Variants in CCDC191 observed in about 807,000 individuals in gnomAD.
CCDC191 encodes coiled-coil domain containing 191.
Under a neutral mutation model 114.0 loss-of-function variants are expected in CCDC191, and 99 were observed. The ratio of observed to expected loss-of-function variants is 0.87; its 90% CI spans 0.74 to 1.03. CCDC191 has a LOEUF of 1.03. Ranked by LOEUF, CCDC191 falls within the 50% of genes least tolerant of loss-of-function variation. CCDC191 has a pLI of 0.00. For missense variants in CCDC191, 973 were observed against 1,087.0 expected (o/e 0.90, Z 1.47); for synonymous variants, 351 against 376.0 (o/e 0.93, Z 0.77).
intron 13 of CCDC191, among the ~76,000 whole-genome samples, chr3:113,998,591 C>T (rs142464790): frequency 4.1e-4 from 62 of 152,288 alleles, no homozygotes; most frequent in Admixed American, 2.2e-3. Context: ...CACCAGCTGA[C>T]CTGACTAAAG....
Position 113,965,209 on chromosome 3 carries a change from T to C in CCDC191, c.2757A>G (p.Leu919=), listed in dbSNP as rs796891887. The C allele has an allele frequency of 3.7e-6, 6 of 1,611,662 alleles. No homozygotes were observed. The highest frequency in any genetic ancestry group is 3.4e-6 in the Non-Finnish European group (4 of 1,179,040). ...AGGACCAAGTATCTGATTGCTGATA[T>C]AGCTCGTGGTACCTTCCAGGTACCT... ...DFQVPGRYHE[L]YQQSDTWSLS... is the part of the protein sequence containing the mutation. Residue 919 remains leucine, a synonymous_variant, in exon 17 of 17, where the codon CTA becomes CTG. Coordinates refer to ENST00000295878, the MANE Select transcript of CCDC191 (RefSeq NM_020817.2).
At chr3:114,052,432 T>C (rs941518217) in intron 2 of CCDC191, among the ~76,000 whole-genome samples, 26 of 152,170 alleles carry the variant, frequency 1.7e-4, no homozygotes, top group African/African-American at 6.0e-4. Context: ...AACACTCACA[T>C]GCAAGCTAGT....
intron 13 of CCDC191, among the ~76,000 whole-genome samples, chr3:113,994,441 A>G (rs1395182382): frequency 6.6e-6 from 1 of 152,202 alleles, no homozygotes; most frequent in Non-Finnish European, 1.5e-5. Context: ...TATCACTGGT[A>G]GGAACACAAA....
At chr3:114,048,494 G>A (rs1478844694) in intron 2 of CCDC191, among the ~76,000 whole-genome samples, 1 of 152,054 alleles carries the variant, frequency 6.6e-6, no homozygotes, top group Non-Finnish European at 1.5e-5. Flanking sequence ...TCAGCCTCAC[G>A]GACCTCCTTG....
At chr3:114,050,636 C>A (rs751542675) in intron 2 of CCDC191, among the ~76,000 whole-genome samples, 5 of 152,128 alleles carry the variant, frequency 3.3e-5, no homozygotes, top group Non-Finnish European at 7.4e-5. Flanking sequence ...GCAAAAGGAA[C>A]ACCTGTCTGA....
chr3:113,967,099 C>CA (rs1559862815), intron 16 of CCDC191, among the ~76,000 whole-genome samples: 1 of 150,336 alleles, frequency 6.7e-6, no homozygotes, highest in African/African-American at 2.4e-5. Context: ...ACTCTTGTCT[C>CA]AAAAAAAGAA....
chr3:113,987,071 C>T (rs57725472), intron 13 of CCDC191, among the ~76,000 whole-genome samples: 5 of 150,550 alleles, frequency 3.3e-5, no homozygotes, highest in African/African-American at 1.2e-4. Context: ...CAGTAGATGT[C>T]TTGTGAGAAA....
At position 114,041,426 on chromosome 3, in the gene CCDC191, C is replaced by T. The variant is rs926953170; in HGVS notation, c.415+1277G>A. 4.5e-4 allele frequency among the ~76,000 whole-genome samples: 69 copies of T among 152,260 alleles called. 1 individual carries two copies. Among genetic ancestry groups the T allele is most frequent in the Non-Finnish European group, 8.5e-4 (58 of 68,012 alleles). On this transcript the variant is annotated intron_variant, in intron 4 of 16. Transcript: ENST00000295878. ...ATTTTAGTTGTACCATAGGGTAAAACGTTACTGAAGACAAAATCTTAATTC... is the reference window on the plus strand; with the variant it reads ...ATTTTAGTTGTACCATAGGGTAAAATGTTACTGAAGACAAAATCTTAATTC...
intron 4 of CCDC191, chr3:114,039,461 G>A (rs1021372392): frequency 6.6e-6 from 1 of 152,186 alleles, no homozygotes; most frequent in Non-Finnish European, 1.5e-5. Context: ...AGTGAGCTAT[G>A]ATCACCACTG....
chr3:113,967,783 C>T (rs562790449), intron 16 of CCDC191, among the ~76,000 whole-genome samples: 2 of 152,270 alleles, frequency 1.3e-5, no homozygotes, highest in African/African-American at 4.8e-5. Context: ...CTCTCTTCAT[C>T]CACCTCCCAA....
At chr3:113,983,815 C>G (rs1273830071) in intron 13 of CCDC191, among the ~76,000 whole-genome samples, 1 of 152,166 alleles carries the variant, frequency 6.6e-6, no homozygotes, top group African/African-American at 2.4e-5. Context: ...CAACCGCAAA[C>G]TTCAACTGTC....
chr3:114,018,184 G>C (rs945994187), intron 8 of CCDC191, among the ~76,000 whole-genome samples: 1 of 152,196 alleles, frequency 6.6e-6, no homozygotes, highest in African/African-American at 2.4e-5. Flanking sequence ...TGATTTCTAT[G>C]AATGAGAATT....
chr3:114,026,303 G>A (rs958982573), intron 7 of CCDC191, among the ~76,000 whole-genome samples: 1 of 152,094 alleles, frequency 6.6e-6, no homozygotes, highest in African/African-American at 2.4e-5. Flanking sequence ...TACCAAAACT[G>A]GTAACATTTT....
At position 113,980,771 on chromosome 3, in the gene CCDC191, C is replaced by A. The variant is rs1231249533; in HGVS notation, c.2186G>T (p.Arg729Ile). ...TTCCAGCTGCTGGTTCCTCTTAATT[C>A]TCTTCTGCTTCTCAAGTTCTTTCTG... ...KKMKELEKQK[R>I]IKRNQQLEAI... Residue 729 changes from arginine to isoleucine, a missense_variant, in exon 14 of 17, where the codon AGA (arginine) becomes ATA (isoleucine). Transcript: ENST00000295878. The A allele has an allele frequency of 8.1e-6, 13 of 1,606,646 alleles. No individual in the cohort carries two copies. Among genetic ancestry groups the A allele is most frequent in the Non-Finnish European group, 8.5e-6 (10 of 1,178,110 alleles).
chr3:114,018,597 T>C, intron 8 of CCDC191, 81 bp downstream of exon 8: 1 of 1,131,252 alleles, frequency 8.8e-7, no homozygotes, highest in Non-Finnish European at 1.3e-6. Context: ...AGTTGGCATG[T>C]GTAAAGTTTA....
chr3:113,968,628 T>G (rs1374875680), intron 16 of CCDC191, among the ~76,000 whole-genome samples: 5 of 145,330 alleles, frequency 3.4e-5, no homozygotes, highest in East Asian at 2.0e-4. Context: ...AGTTTTTTGT[T>G]TTTTTTTTTT....
rs72956692 is a variant in CCDC191, at chr3:114,022,668, A to G, written c.973-3800T>C. 5.0e-3 allele frequency among the ~76,000 whole-genome samples: 768 copies of G among 152,240 alleles called. 4 individuals carry two copies. Among genetic ancestry groups the G allele is most frequent in the African/African-American group, 0.018 (740 of 41,552 alleles). ...CTCAGGCCAAAAGAAGAGAAACTCT[A>G]TTGCTACAAAAGGGAGCAATCCTCA... is the stretch of plus-strand genomic sequence containing the variant. On this transcript the variant is annotated intron_variant, in intron 7 of 16. Transcript: ENST00000295878.
chr3:114,018,963 CT>C, intron 7 of CCDC191, 95 bp from the exon 8 acceptor site: 1 of 1,083,782 alleles, frequency 9.2e-7, no homozygotes, highest in Non-Finnish European at 1.3e-6. Flanking sequence ...TCCCCTCACA[CT>C]TTTAAAAACA....
intron 16 of CCDC191, among the ~76,000 whole-genome samples, chr3:113,974,174 T>C (rs1387761756): frequency 6.6e-6 from 1 of 152,154 alleles, no homozygotes; most frequent in African/African-American, 2.4e-5. Context: ...GAATTGCTTT[T>C]CTTTGTTATC....
Sources: allele counts gnomAD v4.1 joint callset (sites outside exome capture counted in the v4.1 genomes callset), GRCh38; gene constraint gnomAD v4.1.1; transcripts MANE v1.5; gene names NCBI Gene and HGNC (gene_info 2026-07-23, HGNC 2026-07-21).